TBC1D5: variants seen among roughly 807,000 people sequenced by gnomAD.
TBC1D5 encodes the protein TBC1 domain family, member 5.
A neutral mutation model predicts 100.3 loss-of-function variants in TBC1D5; 75 were observed. That is an observed-to-expected ratio of 0.75 (90% CI 0.62 to 0.91). The LOEUF is 0.91. Ranked by LOEUF, TBC1D5 falls within the 40% of genes least tolerant of loss-of-function variation. TBC1D5 has a pLI of 0.00. For missense variants in TBC1D5, 910 were observed against 942.4 expected (o/e 0.97, Z 0.45); for synonymous variants, 323 against 325.6 (o/e 0.99, Z 0.09).
intron 16 of TBC1D5, among the ~76,000 whole-genome samples, chr3:17,239,564 T>C (rs2076147018): frequency 6.6e-6 from 1 of 152,208 alleles, no homozygotes. Context: ...TGTGGCCTAT[T>C]TGCCATTGCC....
At chr3:17,612,892 T>C (rs1560281205) in intron 2 of TBC1D5, among the ~76,000 whole-genome samples, 1 of 151,528 alleles carries the variant, frequency 6.6e-6, no homozygotes, top group Non-Finnish European at 1.5e-5. Flanking sequence ...CCTTTTCTTT[T>C]TTTTTTTTTT....
chr3:17,521,449 CAT>C (rs1244971850), intron 2 of TBC1D5, among the ~76,000 whole-genome samples: 2 of 152,156 alleles, frequency 1.3e-5, no homozygotes, highest in Non-Finnish European at 2.9e-5. Flanking sequence ...CAGTATAGTA[CAT>C]ATAACATACA....
At chr3:17,686,063 C>G (rs1218927540) in intron 1 of TBC1D5, among the ~76,000 whole-genome samples, 2 of 152,160 alleles carry the variant, frequency 1.3e-5, no homozygotes, top group African/African-American at 4.8e-5. Flanking sequence ...GGGGCTGACA[C>G]ACAAGCTGTT....
chr3:17,222,424 C>A (rs956494682), intron 17 of TBC1D5, among the ~76,000 whole-genome samples: 4 of 152,026 alleles, frequency 2.6e-5, no homozygotes, highest in Non-Finnish European at 5.9e-5. Context: ...TATTTGGGAG[C>A]GGGGAGGGTA....
intron 17 of TBC1D5, among the ~76,000 whole-genome samples, chr3:17,236,046 T>A (rs763423632): frequency 3.9e-5 from 6 of 152,204 alleles, no homozygotes; most frequent in Non-Finnish European, 8.8e-5. Context: ...ATACTTTGCT[T>A]AAGTGCTCTG....
chr3:17,620,145 C>T (rs1178929550), intron 2 of TBC1D5, among the ~76,000 whole-genome samples: 1 of 152,166 alleles, frequency 6.6e-6, no homozygotes, highest in Admixed American at 6.5e-5. Flanking sequence ...AACCTTTTTG[C>T]CGTTGTTGTT....
chr3:17,693,028 G>A (rs2071403399), intron 1 of TBC1D5, among the ~76,000 whole-genome samples: 1 of 152,150 alleles, frequency 6.6e-6, no homozygotes, highest in African/African-American at 2.4e-5. Flanking sequence ...CACTGCCCTG[G>A]GAGTGTAAAG....
At chr3:17,252,070 T>C (rs1275207846) in intron 16 of TBC1D5, among the ~76,000 whole-genome samples, 2 of 152,220 alleles carry the variant, frequency 1.3e-5, no homozygotes, top group African/African-American at 4.8e-5. Context: ...TTTTCTGTTT[T>C]GAAAATGACA....
intron 2 of TBC1D5, among the ~76,000 whole-genome samples, chr3:17,546,187 T>C (rs1009775915): frequency 1.2e-4 from 18 of 152,266 alleles, no homozygotes; most frequent in African/African-American, 4.3e-4. Flanking sequence ...TACAAATTGA[T>C]AGTTATTCTT....
chr3:17,731,848 T>A (rs2076582839), intron 1 of TBC1D5, among the ~76,000 whole-genome samples: 1 of 152,142 alleles, frequency 6.6e-6, no homozygotes, highest in Non-Finnish European at 1.5e-5. Flanking sequence ...AAAAAATTAA[T>A]TTAATTAAAA....
intron 3 of TBC1D5, among the ~76,000 whole-genome samples, chr3:17,446,738 G>C (rs1193955159): frequency 6.6e-6 from 1 of 152,208 alleles, no homozygotes; most frequent in African/African-American, 2.4e-5. Context: ...TTGGGAGGCC[G>C]AGGCGGGTGG....
At chr3:17,307,953 A>T in intron 14 of TBC1D5, 39 bp downstream of exon 14, 1 of 1,580,004 alleles carries the variant, frequency 6.3e-7, no homozygotes, top group South Asian at 1.2e-5. Flanking sequence ...GAAAATCAGG[A>T]GTACCTAGTC....
intron 8 of TBC1D5, 67 bp from the exon 9 acceptor site, chr3:17,384,082 T>C: frequency 1.4e-6 from 2 of 1,398,876 alleles, no homozygotes; most frequent in African/African-American, 1.4e-5. Flanking sequence ...CAAATTCTCA[T>C]CTCGAAGACG....
chr3:17,525,103 A>C (rs1042886112), intron 2 of TBC1D5, among the ~76,000 whole-genome samples: 3 of 152,238 alleles, frequency 2.0e-5, no homozygotes, highest in Admixed American at 6.5e-5. Context: ...AACTGTATAC[A>C]TAAATGTACA....
At chr3:17,618,288 C>A (rs1049696462) in intron 2 of TBC1D5, among the ~76,000 whole-genome samples, 1 of 152,162 alleles carries the variant, frequency 6.6e-6, no homozygotes, top group Non-Finnish European at 1.5e-5. Flanking sequence ...CCCAGAGGGG[C>A]ACCCGCCTGT....
intron 13 of TBC1D5, among the ~76,000 whole-genome samples, chr3:17,355,377 A>G (rs1174355132): frequency 6.6e-6 from 1 of 152,174 alleles, no homozygotes; most frequent in Admixed American, 6.6e-5. Context: ...GCCAATTAAA[A>G]TAGTTCCAAG....
At chr3:17,327,339 G>A (rs2086273467) in intron 13 of TBC1D5, among the ~76,000 whole-genome samples, 1 of 152,198 alleles carries the variant, frequency 6.6e-6, no homozygotes, top group African/African-American at 2.4e-5. Flanking sequence ...CAAAAGATAA[G>A]TCAGGCGACA....
chr3:17,168,828 A>G (rs953775757), intron 19 of TBC1D5, among the ~76,000 whole-genome samples: 1 of 152,160 alleles, frequency 6.6e-6, no homozygotes, highest in East Asian at 1.9e-4. Flanking sequence ...TCCATGCTAC[A>G]TTCTTAGTCA....
intron 2 of TBC1D5, among the ~76,000 whole-genome samples, chr3:17,537,827 C>T (rs1480018966): frequency 6.6e-6 from 1 of 152,114 alleles, no homozygotes; most frequent in East Asian, 1.9e-4. Flanking sequence ...ACTTGGTTTG[C>T]TTCTGTAAAC....
Sources: allele counts gnomAD v4.1 joint callset (sites outside exome capture counted in the v4.1 genomes callset), GRCh38; gene constraint gnomAD v4.1.1; transcripts MANE v1.5; gene names NCBI Gene and HGNC (gene_info 2026-07-23, HGNC 2026-07-21).